ALDH1L1: variants seen among roughly 807,000 people sequenced by gnomAD.
ALDH1L1 encodes aldehyde dehydrogenase 1 family member L1, also known as cytosolic 10-formyltetrahydrofolate dehydrogenase.
Under a neutral mutation model 101.1 loss-of-function variants are expected in ALDH1L1, and 68 were observed. The ratio of observed to expected loss-of-function variants is 0.67; its 90% CI spans 0.55 to 0.82. The LOEUF (loss-of-function observed/expected upper bound fraction) is 0.82. Ranked by LOEUF, ALDH1L1 falls within the 40% of genes least tolerant of loss-of-function variation. ALDH1L1 has a pLI of 0.00. For synonymous variants in ALDH1L1, 486 were observed against 470.8 expected, an observed-to-expected ratio of 1.03 and a Z score of -0.42; for missense variants, 1,087 against 1,172.7, an observed-to-expected ratio of 0.93 and a Z score of 1.07.
intron 1 of ALDH1L1, among the ~76,000 whole-genome samples, chr3:126,197,255 C>T (rs2081586622): frequency 6.6e-6 from 1 of 152,150 alleles, no homozygotes; most frequent in African/African-American, 2.4e-5. Flanking sequence ...GCCTCCCGGG[C>T]CTAATGTATA....
chr3:126,183,966 C>T (rs916254393), upstream of ALDH1L1, among the ~76,000 whole-genome samples: 1 of 152,178 alleles, frequency 6.6e-6, no homozygotes, highest in African/African-American at 2.4e-5. Context: ...AGTAGGTGGA[C>T]TGTGGTCATT....
chr3:126,126,466 C>G (rs1451729146), intron 14 of ALDH1L1, among the ~76,000 whole-genome samples: 1 of 152,204 alleles, frequency 6.6e-6, no homozygotes. Flanking sequence ...CACCCCACCA[C>G]CATCACTGGG....
At chr3:126,140,606 T>A (rs1351037410) in intron 9 of ALDH1L1, among the ~76,000 whole-genome samples, 1 of 152,032 alleles carries the variant, frequency 6.6e-6, no homozygotes, top group Non-Finnish European at 1.5e-5. Flanking sequence ...TATTAATGGG[T>A]ATACAATGTA....
At chr3:126,113,908 C>T (rs533384149) in intron 18 of ALDH1L1, among the ~76,000 whole-genome samples, 7 of 152,340 alleles carry the variant, frequency 4.6e-5, no homozygotes, top group South Asian at 2.1e-4. Flanking sequence ...TGCAGCCACC[C>T]GGGAGGTGGG....
intron 1 of ALDH1L1, among the ~76,000 whole-genome samples, chr3:126,197,383 G>A (rs1490059091): frequency 1.3e-5 from 2 of 151,968 alleles, no homozygotes; most frequent in Middle Eastern, 6.8e-3. Flanking sequence ...CCACCTAAAC[G>A]CACAAGAAAA....
At chr3:126,154,490 C>T in intron 6 of ALDH1L1, 64 bp downstream of exon 6, 3 of 1,497,956 alleles carry the variant, frequency 2.0e-6, no homozygotes, top group Middle Eastern at 1.7e-4. Context: ...ACATGTGTGA[C>T]AGTTTAATGG....
At position 126,118,111 on chromosome 3, in the gene ALDH1L1, G is replaced by T; in HGVS notation, c.1889-13C>A. The T allele has an allele frequency of 6.2e-7, 1 of 1,605,926 alleles. No individual in the cohort carries two copies. Among genetic ancestry groups the T allele is most frequent in the Non-Finnish European group, 8.5e-7 (1 of 1,174,386 alleles). On this transcript the variant is annotated splice_polypyrimidine_tract_variant and intron_variant, in intron 16 of 22. Transcript: ENST00000393434. ...CCGACCAGGGAGCCTGTGGGCGGGA[G>T]GGAGGGGGGAATCAGAGTGGTCCCC...
chr3:126,127,574 T>C (rs757026396), intron 14 of ALDH1L1, among the ~76,000 whole-genome samples: 10 of 152,094 alleles, frequency 6.6e-5, no homozygotes, highest in Non-Finnish European at 1.3e-4. Context: ...CCCCAAGAAA[T>C]GCTTGGCTCA....
chr3:126,178,831 T>C (rs1159558950), intron 1 of ALDH1L1, among the ~76,000 whole-genome samples: 1 of 152,024 alleles, frequency 6.6e-6, no homozygotes, highest in African/African-American at 2.4e-5. Context: ...ACTGAAATGT[T>C]GAAAGTTACT....
Position 126,155,406 on chromosome 3 carries a change from G to A in ALDH1L1, c.626C>T (p.Ala209Val), listed in dbSNP as rs779650436. ...TYEGIQKKETAKINWDQPAEA... is the reference protein window; with the variant it reads ...TYEGIQKKETVKINWDQPAEA... ...GTGGAGGGACCCAGCACTCACCTTG[G>A]CTGTCTCCTTCTTCTGAATCCCCTC... The change falls in exon 5 of 23, where the codon GCC (alanine) becomes GTC (valine). Residue 209 changes from alanine (A) to valine (V), a missense_variant. Ala to Val is a moderately conservative substitution (Grantham distance 64, BLOSUM62 0). Transcript: ENST00000393434. 1 of 1,612,540 alleles carries A rather than the reference G, an allele frequency of 6.2e-7. No homozygotes were observed. Among genetic ancestry groups the A allele is most frequent in the South Asian group, 1.1e-5 (1 of 90,604 alleles).
chr3:126,131,391 T>G lies in ALDH1L1; in HGVS notation c.1616A>C (p.Lys539Thr). The G allele has an allele frequency of 6.3e-7, 1 of 1,599,904 alleles. No individual in the cohort carries two copies. Among genetic ancestry groups the G allele is most frequent in the Non-Finnish European group, 8.6e-7 (1 of 1,168,566 alleles). ...TGGGAGCCTGGGCCCCACCTGGATC[T>G]TGTCACACCAGCCAGCAAAGTAGCG... ...TFRYFAGWCD[K>T]IQGSTIPINQ... The change falls in exon 13 of 23, where the codon AAG (lysine) becomes ACG (threonine). Residue 539 changes from lysine to threonine, a missense_variant. Transcript: ENST00000393434.
chr3:126,124,264 G>T, intron 16 of ALDH1L1, 100 bp downstream of exon 16: 1 of 1,094,828 alleles, frequency 9.1e-7, no homozygotes, highest in Non-Finnish European at 1.3e-6. Context: ...CTCTCCCCAG[G>T]CTACTCTGCC....
At chr3:126,182,332 A>C (rs2081483696), upstream of ALDH1L1, among the ~76,000 whole-genome samples, 1 of 152,040 alleles carries the variant, frequency 6.6e-6, no homozygotes, top group East Asian at 1.9e-4. Flanking sequence ...TTTTTAGTAG[A>C]CGTTTCACCG....
At chr3:126,183,133 G>T (rs1490664890), upstream of ALDH1L1, among the ~76,000 whole-genome samples, 1 of 152,168 alleles carries the variant, frequency 6.6e-6, no homozygotes, top group East Asian at 1.9e-4. Flanking sequence ...TCTTCAAAGA[G>T]AACAAAGGGA....
intron 1 of ALDH1L1, among the ~76,000 whole-genome samples, chr3:126,167,556 G>A (rs2081194223): frequency 6.6e-6 from 1 of 151,972 alleles, no homozygotes; most frequent in African/African-American, 2.4e-5. Context: ...TACCTGTCTA[G>A]AAAATCTCAG....
intron 9 of ALDH1L1, among the ~76,000 whole-genome samples, chr3:126,145,319 A>G (rs1320336634): frequency 2.0e-5 from 3 of 152,226 alleles, no homozygotes; most frequent in African/African-American, 7.2e-5. Context: ...AAAAAATTAA[A>G]AGAAGAACTA....
intron 19 of ALDH1L1, 83 bp from the exon 20 acceptor site, chr3:126,110,192 C>T: frequency 1.3e-6 from 2 of 1,555,246 alleles, no homozygotes; most frequent in Non-Finnish European, 1.7e-6. Context: ...GCTCTCATGG[C>T]TGACCCCTGG....
chr3:126,144,994 T>C (rs534305955), intron 9 of ALDH1L1, among the ~76,000 whole-genome samples: 1 of 152,176 alleles, frequency 6.6e-6, no homozygotes, highest in East Asian at 1.9e-4. Flanking sequence ...ACAAAACAAA[T>C]AATCCAATTT....
intron 20 of ALDH1L1, 132 bp from the exon 21 acceptor site, chr3:126,107,378 G>T (rs563868765): frequency 2.9e-6 from 2 of 680,124 alleles, no homozygotes; most frequent in African/African-American, 3.5e-5. Context: ...CACGGCACCC[G>T]TGTGATGGGT....
Sources: allele counts gnomAD v4.1 joint callset (sites outside exome capture counted in the v4.1 genomes callset), GRCh38; gene constraint gnomAD v4.1.1; transcripts MANE v1.5; gene names NCBI Gene and HGNC (gene_info 2026-07-23, HGNC 2026-07-21).